Variants in NUDT9 observed in about 807,000 individuals in gnomAD.
NUDT9 encodes nudix hydrolase 9, also known as ADP-ribose pyrophosphatase.
NUDT9 carries 31 observed loss-of-function variants against 41.0 expected under a neutral mutation model. The observed-to-expected ratio is 0.76, with a 90% CI of 0.57 to 1.02. The LOEUF is 1.02. Ranked by LOEUF, NUDT9 falls within the 50% of genes least tolerant of loss-of-function variation. The pLI, the probability that NUDT9 is intolerant of heterozygous loss-of-function variation, is 0.00. For missense variants in NUDT9, 380 were observed against 431.4 expected (o/e 0.88, Z 1.06); for synonymous variants, 146 against 147.6 (o/e 0.99, Z 0.08).
chr4:87,445,728 G>A (rs1011623556), intron 4 of NUDT9, among the ~76,000 whole-genome samples: 4 of 152,068 alleles, frequency 2.6e-5, no homozygotes, highest in Non-Finnish European at 4.4e-5. Context: ...TATTAGGTTC[G>A]TCAATTAAAA....
chr4:87,426,947 C>A (rs202145286), intron 1 of NUDT9, among the ~76,000 whole-genome samples: 15 of 135,822 alleles, frequency 1.1e-4, no homozygotes, highest in Non-Finnish European at 1.1e-4. Context: ...AAAAAAAAAA[C>A]AAAAAACTAA....
intron 3 of NUDT9, among the ~76,000 whole-genome samples, chr4:87,440,151 T>C (rs977556769): frequency 6.6e-6 from 1 of 152,220 alleles, no homozygotes; most frequent in African/African-American, 2.4e-5. Flanking sequence ...AGGTAAGATA[T>C]ATAGATGGAA....
chr4:87,428,970 A>G (rs13151503), intron 1 of NUDT9, among the ~76,000 whole-genome samples: 47 of 152,216 alleles, frequency 3.1e-4, no homozygotes, highest in Non-Finnish European at 6.5e-4. Flanking sequence ...GGACAAATGT[A>G]TAATGACACG....
chr4:87,423,705 T>TA (rs1243487064), intron 1 of NUDT9, among the ~76,000 whole-genome samples: 1 of 152,240 alleles, frequency 6.6e-6, no homozygotes, highest in East Asian at 1.9e-4. Flanking sequence ...TTTGGTCCTG[T>TA]TTCCTTCTGT....
intron 4 of NUDT9, among the ~76,000 whole-genome samples, chr4:87,447,292 T>TCTG (rs1722501311): frequency 1.3e-5 from 2 of 152,200 alleles, no homozygotes; most frequent in African/African-American, 4.8e-5. Context: ...CTATCACCCT[T>TCTG]CTGCTAATTT....
chr4:87,431,078 T>C (rs546663658), intron 1 of NUDT9, among the ~76,000 whole-genome samples: 2 of 152,234 alleles, frequency 1.3e-5, no homozygotes, highest in African/African-American at 2.4e-5. Context: ...TTAGGTCTTA[T>C]GTTTAGGTCT....
Position 87,454,418 on chromosome 4 carries a change from G to C in NUDT9, c.837G>C (p.Trp279Cys). The change falls in exon 7 of 8, where the codon TGG becomes TGC. Residue 279 changes from tryptophan (W) to cysteine (C), a missense_variant. By Grantham distance (215) the Trp-to-Cys change is radical. Transcript: ENST00000302174. Reference sequence around the variant, plus strand: ...ATCCTCGAAACACTGATAATGCATGGATGGAGACAGAAGCTGTGAACTACC... The same window carrying C: ...ATCCTCGAAACACTGATAATGCATGCATGGAGACAGAAGCTGTGAACTACC... Reference protein sequence around the residue: ...VDDPRNTDNAWMETEAVNYHD... With the variant: ...VDDPRNTDNACMETEAVNYHD... The C allele has an allele frequency of 6.2e-7, 1 of 1,611,714 alleles. No individual in the cohort carries two copies. The highest frequency in any genetic ancestry group is 8.5e-7 in the Non-Finnish European group (1 of 1,177,882).
chr4:87,432,871 T>C (rs1208904125), intron 1 of NUDT9, among the ~76,000 whole-genome samples: 2 of 152,178 alleles, frequency 1.3e-5, no homozygotes, highest in Non-Finnish European at 2.9e-5. Flanking sequence ...TCATGGCATA[T>C]AATCCTTTTC....
chr4:87,456,829 G>A (rs1723012261), intron 7 of NUDT9, among the ~76,000 whole-genome samples: 1 of 152,166 alleles, frequency 6.6e-6, no homozygotes, highest in Admixed American at 6.5e-5. Flanking sequence ...TACTCGGGGG[G>A]CTGAGGCAGG....
At chr4:87,423,394 A>G (rs1298393211) in intron 1 of NUDT9, among the ~76,000 whole-genome samples, 1 of 152,174 alleles carries the variant, frequency 6.6e-6, no homozygotes, top group Non-Finnish European at 1.5e-5. Flanking sequence ...GAAAAGTAAA[A>G]TCACTATTCC....
chr4:87,436,844 G>C (rs919358487), intron 2 of NUDT9, among the ~76,000 whole-genome samples: 1 of 152,204 alleles, frequency 6.6e-6, no homozygotes, highest in African/African-American at 2.4e-5. Flanking sequence ...ACCTGTTTCA[G>C]AACTGCCCAT....
chr4:87,438,508 C>T, intron 3 of NUDT9, 136 bp downstream of exon 3: 1 of 480,350 alleles, frequency 2.1e-6, no homozygotes, highest in Non-Finnish European at 3.9e-6. Flanking sequence ...TAAATCTGCA[C>T]AATAACCCTG....
intron 1 of NUDT9, among the ~76,000 whole-genome samples, chr4:87,426,144 T>A (rs548139225): frequency 8.5e-5 from 13 of 152,280 alleles, no homozygotes; most frequent in African/African-American, 3.1e-4. Flanking sequence ...AAAAAGGTAG[T>A]ATATTACAAA....
At position 87,422,993 on chromosome 4, in the gene NUDT9, C is replaced by T. The variant is rs1721212982; in HGVS notation, c.88C>T (p.Arg30Cys). The change falls in exon 1 of 8, where the codon CGC becomes TGC. Residue 30 changes from arginine to cysteine, a missense_variant. Physicochemically the swap from Arg to Cys is radical, Grantham distance 180. Coordinates refer to ENST00000302174, the MANE Select transcript of NUDT9 (RefSeq NM_024047.5). Reference sequence around the variant, plus strand: ...TGTGACTATCAGGTCCTCGCGCTGCCGCGGCATCCAGGCGTTCAGGTATTC... The same window carrying T: ...TGTGACTATCAGGTCCTCGCGCTGCTGCGGCATCCAGGCGTTCAGGTATTC... Reference protein sequence around the residue: ...ASVTIRSSRCRGIQAFRNSFS... With the variant: ...ASVTIRSSRCCGIQAFRNSFS... 2.5e-6 allele frequency: 4 copies of T among 1,612,836 alleles called. No homozygotes were observed. Among genetic ancestry groups the T allele is most frequent in the Admixed American group, 1.7e-5 (1 of 59,854 alleles).
chr4:87,438,845 G>A (rs1722070135), intron 3 of NUDT9, among the ~76,000 whole-genome samples: 1 of 152,112 alleles, frequency 6.6e-6, no homozygotes, highest in South Asian at 2.1e-4. Flanking sequence ...TATTATAAAA[G>A]TGTATCAGCC....
At chr4:87,437,249 C>CAA (rs776722819) in intron 2 of NUDT9, among the ~76,000 whole-genome samples, 5,031 of 55,444 alleles carry the variant, frequency 0.091, 286 homozygotes, top group East Asian at 0.27. Flanking sequence ...GACTCCATCT[C>CAA]AAAAAAAAAA....
At chr4:87,440,321 C>G (rs766242188) in intron 3 of NUDT9, among the ~76,000 whole-genome samples, 1 of 152,150 alleles carries the variant, frequency 6.6e-6, no homozygotes, top group Non-Finnish European at 1.5e-5. Flanking sequence ...AGATGGAATT[C>G]GAAATCCATC....
chr4:87,444,055 C>T (rs984118681), intron 4 of NUDT9, among the ~76,000 whole-genome samples: 3 of 152,144 alleles, frequency 2.0e-5, no homozygotes, highest in Non-Finnish European at 4.4e-5. Context: ...AATCATCTTT[C>T]TAATGTACCT....
chr4:87,446,976 T>G (rs950476212), intron 4 of NUDT9, among the ~76,000 whole-genome samples: 1 of 152,192 alleles, frequency 6.6e-6, no homozygotes, highest in Non-Finnish European at 1.5e-5. Context: ...TTTGTCAAAG[T>G]GAGTGAGCTT....
Sources: allele counts gnomAD v4.1 joint callset (sites outside exome capture counted in the v4.1 genomes callset), GRCh38; gene constraint gnomAD v4.1.1; transcripts MANE v1.5; gene names NCBI Gene and HGNC (gene_info 2026-07-23, HGNC 2026-07-21).